ADAMTS3: variants seen among roughly 807,000 people sequenced by gnomAD.
The protein encoded by ADAMTS3 is A disintegrin and metalloproteinase with thrombospondin motifs 3.
In ADAMTS3, 73 loss-of-function variants were observed where a neutral mutation model predicts 129.0. That is an observed-to-expected ratio of 0.57 (90% CI 0.47 to 0.69). The LOEUF is 0.69. Ranked by LOEUF, ADAMTS3 falls within the 30% of genes least tolerant of loss-of-function variation. ADAMTS3 has a pLI of 0.00. For synonymous variants in ADAMTS3, 477 were observed against 510.8 expected (o/e 0.93, Z 0.89); for missense variants, 1,457 against 1,514.5 (o/e 0.96, Z 0.63).
rs767237669 is a variant in ADAMTS3 at position 72,312,348 on chromosome 4, A to G, written c.1864T>C (p.Ser622Pro). 6.2e-7 allele frequency: 1 copy of G among 1,613,776 alleles called. No individual in the cohort carries two copies. The highest frequency in any genetic ancestry group is 8.5e-7 in the Non-Finnish European group (1 of 1,179,776). Residue 622 changes from serine (S) to proline (P), a missense_variant, in exon 13 of 22, where the codon TCC becomes CCC. Physicochemically the swap from Ser to Pro is moderately conservative, Grantham distance 74. Coordinates refer to ENST00000286657, the MANE Select transcript of ADAMTS3 (RefSeq NM_014243.3). ...TTGGTATTCTGGTATTCAAAGTGGG[A>G]GTTTCGCTGCTGACACTGCTGTGCT... ...FRAQQCQQRN[S>P]HFEYQNTKHH... is the part of the protein sequence containing the mutation.
intron 5 of ADAMTS3, 100 bp from the exon 6 acceptor site, chr4:72,323,197 T>C: frequency 1.1e-6 from 1 of 871,388 alleles, no homozygotes; most frequent in Non-Finnish European, 1.9e-6. Flanking sequence ...GGTGAGTAAA[T>C]TGCTGTTTTT....
At chr4:72,456,092 ATATATATAGTATATATACTATATATATTT>A (rs1718587116) in intron 3 of ADAMTS3, among the ~76,000 whole-genome samples, 2 of 4,298 alleles carry the variant, frequency 4.7e-4, no homozygotes, top group African/African-American at 2.4e-3. Flanking sequence ...TATATATTTT[ATATATATAGTATATATACTATATATATTT>A]TATATATAGT....
At chr4:72,360,535 G>GTT (rs10650390) in intron 4 of ADAMTS3, among the ~76,000 whole-genome samples, 2,952 of 151,378 alleles carry the variant, frequency 0.02, 290 homozygotes, top group Admixed American at 0.17. Context: ...GTAATGAATG[G>GTT]TTTTTTTTGA....
chr4:72,468,687 C>A (rs1356389853), intron 3 of ADAMTS3, among the ~76,000 whole-genome samples: 16 of 151,562 alleles, frequency 1.1e-4, no homozygotes, highest in African/African-American at 3.9e-4. Context: ...TTATTTCGAA[C>A]AACATTGCAT....
chr4:72,493,256 C>T (rs1719792309), intron 3 of ADAMTS3, among the ~76,000 whole-genome samples: 1 of 151,916 alleles, frequency 6.6e-6, no homozygotes, highest in Admixed American at 6.6e-5. Flanking sequence ...ACTGTTACCA[C>T]TTTGTTAGTT....
At chr4:72,308,345 G>C (rs1719142315) in intron 15 of ADAMTS3, among the ~76,000 whole-genome samples, 1 of 151,858 alleles carries the variant, frequency 6.6e-6, no homozygotes, top group Non-Finnish European at 1.5e-5. Flanking sequence ...AATTGAGTTA[G>C]GTATCAGGGG....
At chr4:72,390,376 T>A (rs1721560073) in intron 4 of ADAMTS3, among the ~76,000 whole-genome samples, 1 of 152,192 alleles carries the variant, frequency 6.6e-6, no homozygotes, top group African/African-American at 2.4e-5. Context: ...TCTTATTAAT[T>A]CTCAAAAGAA....
At chr4:72,462,979 C>G (rs960818438) in intron 3 of ADAMTS3, among the ~76,000 whole-genome samples, 1 of 151,920 alleles carries the variant, frequency 6.6e-6, no homozygotes. Flanking sequence ...AGTAACACAT[C>G]GCTCACTCAC....
chr4:72,283,056 T>C lies in ADAMTS3; in HGVS notation c.*80A>G. 8.1e-7 allele frequency: 1 copy of C among 1,236,652 alleles called. No individual in the cohort carries two copies. The highest frequency in any genetic ancestry group is 1.1e-6 in the Non-Finnish European group (1 of 881,660). The allele number at this position is 1,236,652 out of a possible 1,614,324, so 76.6% of individuals were successfully genotyped here. ...GCTGACGATCTATAGAGATTTCCAC[T>C]TTAAACAAGCATATGCACCATGGGA... On this transcript the variant is annotated 3_prime_UTR_variant, in exon 22 of 22. Transcript: ENST00000286657.
At chr4:72,526,883 G>A (rs1421136933) in intron 3 of ADAMTS3, among the ~76,000 whole-genome samples, 2 of 144,478 alleles carry the variant, frequency 1.4e-5, no homozygotes, top group South Asian at 2.2e-4. Flanking sequence ...TAAAATAATG[G>A]TCAAAAGCAC....
intron 4 of ADAMTS3, among the ~76,000 whole-genome samples, chr4:72,393,331 T>A (rs1463822909): frequency 6.6e-6 from 1 of 152,200 alleles, no homozygotes. Context: ...TATATAGACT[T>A]GGAACCAGAA....
chr4:72,303,429 A>T (rs1719003429), intron 17 of ADAMTS3, among the ~76,000 whole-genome samples: 1 of 152,110 alleles, frequency 6.6e-6, no homozygotes, highest in Admixed American at 6.6e-5. Flanking sequence ...TAGCAACTCA[A>T]ATTCTATATC....
At chr4:72,524,587 T>A (rs1304066869) in intron 3 of ADAMTS3, among the ~76,000 whole-genome samples, 1 of 152,090 alleles carries the variant, frequency 6.6e-6, no homozygotes, top group Non-Finnish European at 1.5e-5. Context: ...ACCATTTTAC[T>A]AATGAGGAAA....
intron 4 of ADAMTS3, among the ~76,000 whole-genome samples, chr4:72,396,223 G>A (rs1223984715): frequency 6.6e-6 from 1 of 152,120 alleles, no homozygotes; most frequent in Non-Finnish European, 1.5e-5. Context: ...AGGTATCTGT[G>A]GAGGACCTTA....
intron 3 of ADAMTS3, among the ~76,000 whole-genome samples, chr4:72,461,875 G>A (rs1312286063): frequency 1.3e-5 from 2 of 151,870 alleles, no homozygotes; most frequent in East Asian, 1.9e-4. Flanking sequence ...GCTTTAACTA[G>A]CAGCATATTG....
chr4:72,384,306 C>CAAAAAGTT (rs1721379043), intron 4 of ADAMTS3, among the ~76,000 whole-genome samples: 1 of 152,026 alleles, frequency 6.6e-6, no homozygotes, highest in Non-Finnish European at 1.5e-5. Context: ...TTTACAAATT[C>CAAAAAGTT]AAAAAGTTCA....
At chr4:72,291,452 C>T (rs960656523) in intron 19 of ADAMTS3, among the ~76,000 whole-genome samples, 1 of 147,282 alleles carries the variant, frequency 6.8e-6, no homozygotes, top group African/African-American at 2.5e-5. Context: ...TTCCTGTGTC[C>T]ATGTGTTCTC....
chr4:72,442,330 C>G (rs1718139520), intron 3 of ADAMTS3: 1 of 151,804 alleles, frequency 6.6e-6, no homozygotes, highest in South Asian at 2.1e-4. Flanking sequence ...GTTTATTTGT[C>G]CTGCAGTTCT....
chr4:72,300,411 T>C (rs776290587), intron 17 of ADAMTS3, among the ~76,000 whole-genome samples: 8 of 152,148 alleles, frequency 5.3e-5, no homozygotes, highest in South Asian at 2.1e-4. Context: ...CAGATACTCA[T>C]GTTGCTAGAA....
Sources: allele counts gnomAD v4.1 joint callset (sites outside exome capture counted in the v4.1 genomes callset), GRCh38; gene constraint gnomAD v4.1.1; transcripts MANE v1.5; gene names NCBI Gene and HGNC (gene_info 2026-07-23, HGNC 2026-07-21).